Variants in MOSMO observed in about 807,000 individuals in gnomAD.
MOSMO encodes modulator of smoothened.
In MOSMO, 5 loss-of-function variants were observed where a neutral mutation model predicts 18.4. That is an observed-to-expected ratio of 0.27 (90% CI 0.14 to 0.57). MOSMO has a LOEUF of 0.57. Among genes scored for constraint, MOSMO ranks in the 20% least tolerant of loss-of-function variants. The pLI, the probability that MOSMO is intolerant of heterozygous loss-of-function variation, is 0.92. For missense variants in MOSMO, 138 were observed against 211.8 expected, an observed-to-expected ratio of 0.65 and a Z score of 2.16; for synonymous variants, 82 against 82.3, an observed-to-expected ratio of 1.00 and a Z score of 0.02.
chr16:22,018,272 A>G (rs1899681760), intron 1 of MOSMO, among the ~76,000 whole-genome samples: 1 of 152,190 alleles, frequency 6.6e-6, no homozygotes, highest in Admixed American at 6.5e-5. Context: ...AAGAAAAAGG[A>G]AGAACAAAAT....
In MOSMO at chr16:22,027,479, C is replaced by T. The variant is rs182736901; in HGVS notation, c.106+19072C>T. ...TGTCATTTAGCCTGTTACTGAGTTT[C>T]CTTATTGAATTGTTTTGAGAATTAA... On this transcript the variant is annotated intron_variant, in intron 1 of 2. Coordinates refer to ENST00000542527, the MANE Select transcript of MOSMO (RefSeq NM_001164579.2). Among the ~76,000 whole-genome samples, 536 of 152,252 alleles carry T rather than the reference C, an allele frequency of 3.5e-3. 3 individuals are homozygous for T. Among genetic ancestry groups the T allele is most frequent in the Middle Eastern group, 6.8e-3 (2 of 294 alleles).
intron 1 of MOSMO, among the ~76,000 whole-genome samples, chr16:22,041,833 C>G (rs1028121372): frequency 1.3e-5 from 2 of 152,012 alleles, no homozygotes; most frequent in Non-Finnish European, 2.9e-5. Flanking sequence ...TACCACCATG[C>G]CTGCCTACTT....
At chr16:22,038,303 CT>C (rs1173417090) in intron 1 of MOSMO, among the ~76,000 whole-genome samples, 1 of 152,148 alleles carries the variant, frequency 6.6e-6, no homozygotes, top group African/African-American at 2.4e-5. Context: ...TGCAAAATAA[CT>C]AGTAGGGAGA....
chr16:22,065,000 T>A (rs1243206081), intron 1 of MOSMO, among the ~76,000 whole-genome samples: 1 of 152,234 alleles, frequency 6.6e-6, no homozygotes, highest in Non-Finnish European at 1.5e-5. Flanking sequence ...AGAGTCATAG[T>A]GCCATAGTGA....
chr16:22,010,313 G>T (rs1183010699), intron 1 of MOSMO, among the ~76,000 whole-genome samples: 1 of 152,176 alleles, frequency 6.6e-6, no homozygotes, highest in Non-Finnish European at 1.5e-5. Context: ...TATGGGCTTT[G>T]TTTATGAAAA....
At chr16:22,008,430 C>G in intron 1 of MOSMO, 23 bp downstream of exon 1, 2 of 1,257,712 alleles carry the variant, frequency 1.6e-6, no homozygotes, top group South Asian at 1.7e-5. Context: ...CGCGCCGGGC[C>G]GGGCGGGGGA....
chr16:22,047,478 T>C (rs1241820211), intron 1 of MOSMO, among the ~76,000 whole-genome samples: 1 of 152,052 alleles, frequency 6.6e-6, no homozygotes, highest in Non-Finnish European at 1.5e-5. Flanking sequence ...TCTCCTGACC[T>C]TGTGATCCGC....
intron 1 of MOSMO, among the ~76,000 whole-genome samples, chr16:22,042,529 A>G (rs879901895): frequency 4.6e-5 from 7 of 152,172 alleles, no homozygotes; most frequent in Non-Finnish European, 8.8e-5. Flanking sequence ...ACATATTTAC[A>G]TTTGTTCTCT....
At chr16:22,064,560 G>T in intron 1 of MOSMO, 3 of 391,660 alleles carry the variant, frequency 7.7e-6, no homozygotes, top group South Asian at 1.8e-5. Context: ...GACTCACTTT[G>T]GTTTATGCTA....
chr16:22,071,151 G>A (rs1224682523), intron 1 of MOSMO, among the ~76,000 whole-genome samples: 1 of 152,136 alleles, frequency 6.6e-6, no homozygotes, highest in African/African-American at 2.4e-5. Flanking sequence ...TCCCCAAGGA[G>A]GAAGTAGAGC....
chr16:22,017,190 G>A (rs1364122428), intron 1 of MOSMO, among the ~76,000 whole-genome samples: 1 of 152,114 alleles, frequency 6.6e-6, no homozygotes, highest in Non-Finnish European at 1.5e-5. Context: ...GTAATGAAGT[G>A]TTCCTGTTTA....
intron 1 of MOSMO, among the ~76,000 whole-genome samples, chr16:22,073,700 AT>A (rs1015023226): frequency 1.7e-4 from 25 of 145,886 alleles, no homozygotes; most frequent in Admixed American, 2.8e-4. Context: ...TAGTGTGACA[AT>A]TTTTTTTTTT....
At chr16:22,024,015 A>ATATATATATATATATATATATATATT (rs915616422) in intron 1 of MOSMO, among the ~76,000 whole-genome samples, 2 of 136,362 alleles carry the variant, frequency 1.5e-5, no homozygotes, top group African/African-American at 5.9e-5. Context: ...ATATATATAT[A>ATATATATATATATATATATATATATT]TTTTCTTAAG....
At chr16:22,035,799 C>A in intron 1 of MOSMO, among the ~76,000 whole-genome samples, 1 of 152,108 alleles carries the variant, frequency 6.6e-6, no homozygotes, top group African/African-American at 2.4e-5. Context: ...GACTGGAAAT[C>A]GGAAGTTACC....
At chr16:22,046,906 G>T (rs1030042641) in intron 1 of MOSMO, among the ~76,000 whole-genome samples, 3 of 152,094 alleles carry the variant, frequency 2.0e-5, no homozygotes, top group East Asian at 1.9e-4. Flanking sequence ...TAGTGAGTAG[G>T]CATATTTGCA....
downstream of MOSMO, chr16:22,087,606 A>G (rs1024202434): frequency 6.6e-6 from 1 of 152,240 alleles, no homozygotes; most frequent in African/African-American, 2.4e-5. Context: ...TCCATTTTCC[A>G]TAATAAATTG....
chr16:22,027,197 C>T (rs1036541208), intron 1 of MOSMO, among the ~76,000 whole-genome samples: 3 of 152,124 alleles, frequency 2.0e-5, no homozygotes, highest in African/African-American at 2.4e-5. Flanking sequence ...AGGTTAACTG[C>T]GTTTCTAAAC....
At chr16:22,051,926 C>T (rs998634082) in intron 1 of MOSMO, among the ~76,000 whole-genome samples, 4 of 151,996 alleles carry the variant, frequency 2.6e-5, no homozygotes, top group East Asian at 1.9e-4. Flanking sequence ...AAACCCCACG[C>T]ATTTGGTCAC....
At chr16:22,031,373 A>G (rs1426923358) in intron 1 of MOSMO, among the ~76,000 whole-genome samples, 4 of 152,202 alleles carry the variant, frequency 2.6e-5, no homozygotes, top group Non-Finnish European at 5.9e-5. Context: ...AGATTTATTG[A>G]GGTATAATTC....
Sources: gnomAD v4.1 joint callset for allele counts (sites outside exome capture counted in the v4.1 genomes callset) on GRCh38, gnomAD v4.1.1 for gene constraint, MANE v1.5 for transcripts, NCBI Gene and HGNC (gene_info 2026-07-23, HGNC 2026-07-21) for gene names.